Variants in TRRAP observed in about 807,000 individuals in gnomAD.
The protein encoded by TRRAP is transformation/transcription domain-associated protein.
In TRRAP, 41 loss-of-function variants were observed where a neutral mutation model predicts 438.8. The ratio of observed to expected loss-of-function variants is 0.09; its 90% CI spans 0.07 to 0.12. The LOEUF (loss-of-function observed/expected upper bound fraction) is 0.12, where lower values mean the gene tolerates loss of function less well. Ranked by LOEUF, TRRAP falls within the 10% of genes least tolerant of loss-of-function variation. TRRAP has a pLI of 1.00. For missense variants in TRRAP, 3,122 were observed against 5,055.1 expected (o/e 0.62, Z 11.60); for synonymous variants, 1,994 against 1,962.9 (o/e 1.02, Z -0.42).
At chr7:99,009,797 G>C (rs562442559) in intron 70 of TRRAP, among the ~76,000 whole-genome samples, 1 of 151,946 alleles carries the variant, frequency 6.6e-6, no homozygotes, top group Admixed American at 6.5e-5. Context: ...AGAGGGAGAT[G>C]CCCACAGCAC....
chr7:98,949,924 G>A, intron 37 of TRRAP, 83 bp downstream of exon 37: 2 of 1,573,608 alleles, frequency 1.3e-6, no homozygotes, highest in East Asian at 2.2e-5. Flanking sequence ...TCTGTACAAG[G>A]CTGTGGTCAT....
chr7:98,978,951 C>G (rs752541141), intron 58 of TRRAP, 47 bp downstream of exon 58: 1 of 1,608,076 alleles, frequency 6.2e-7, no homozygotes, highest in Admixed American at 1.7e-5. Context: ...GTCCCTTTTC[C>G]TGAAGCTGCA....
chr7:98,993,300 T>G (rs1258188887), intron 65 of TRRAP, among the ~76,000 whole-genome samples: 1 of 152,232 alleles, frequency 6.6e-6, no homozygotes, highest in Non-Finnish European at 1.5e-5. Flanking sequence ...ACGGGTTTAT[T>G]TAATGGAATG....
intron 69 of TRRAP, among the ~76,000 whole-genome samples, chr7:99,007,824 CTTTTT>C (rs35981301): frequency 7.3e-6 from 1 of 137,778 alleles, no homozygotes; most frequent in Non-Finnish European, 1.6e-5. Context: ...TTTAAGATGT[CTTTTT>C]TTTTTTTTTT....
rs1791309856 is a variant in TRRAP, at chr7:98,951,023, T to C, written c.5463+19T>C. The stretch of plus-strand genomic sequence containing the variant: ...TACCAAGGTGGTATCACTATGTGTG[T>C]GGGTGTGAGAAGTAGCCTGGCATGT... On this transcript the variant is annotated intron_variant, in intron 39 of 72. Coordinates refer to ENST00000456197, the MANE Select transcript of TRRAP (RefSeq NM_001375524.1). 2 of 1,570,490 alleles carry C rather than the reference T, an allele frequency of 1.3e-6. No individual in the cohort carries two copies. Among genetic ancestry groups the C allele is most frequent in the Non-Finnish European group, 1.7e-6 (2 of 1,161,148 alleles).
intron 33 of TRRAP, among the ~76,000 whole-genome samples, chr7:98,947,781 A>G (rs564581329): frequency 2.0e-5 from 3 of 152,202 alleles, no homozygotes; most frequent in Non-Finnish European, 4.4e-5. Flanking sequence ...GGCAAAAGAC[A>G]TCTGTGCCCT....
chr7:98,993,826 T>C, intron 66 of TRRAP, 89 bp downstream of exon 66: 1 of 1,316,390 alleles, frequency 7.6e-7, no homozygotes, highest in East Asian at 2.3e-5. Context: ...CCTTGAGCTT[T>C]AGTTGCCGGT....
intron 67 of TRRAP, among the ~76,000 whole-genome samples, chr7:98,995,365 G>C (rs1793604649): frequency 6.6e-6 from 1 of 151,966 alleles, no homozygotes; most frequent in Non-Finnish European, 1.5e-5. Context: ...ATGGAAGACT[G>C]GGTCTGGGTG....
intron 67 of TRRAP, among the ~76,000 whole-genome samples, chr7:99,003,933 C>A (rs761294360): frequency 6.6e-6 from 1 of 152,044 alleles, no homozygotes; most frequent in Non-Finnish European, 1.5e-5. Context: ...ATTGGCCAAG[C>A]CTGGTGGCGG....
chr7:98,914,854 AT>A (rs1257166407), intron 18 of TRRAP, among the ~76,000 whole-genome samples: 1 of 151,908 alleles, frequency 6.6e-6, no homozygotes, highest in African/African-American at 2.4e-5. Flanking sequence ...AAATAAATAA[AT>A]ATATTCTGCC....
At chr7:98,983,148 G>T in intron 59 of TRRAP, 116 bp from the exon 60 acceptor site, 1 of 971,858 alleles carries the variant, frequency 1.0e-6, no homozygotes, top group Non-Finnish European at 1.5e-6. Context: ...TGCTTCCTTT[G>T]GTAATTGCAT....
intron 33 of TRRAP, among the ~76,000 whole-genome samples, chr7:98,946,574 G>A (rs184620078): frequency 6.8e-4 from 92 of 135,996 alleles, no homozygotes; most frequent in African/African-American, 2.3e-3. Context: ...CACACCACAC[G>A]CGCACACACC....
At position 98,950,138 on chromosome 7, in the gene TRRAP, C is replaced by T. The variant is rs74392329; in HGVS notation, c.5210C>T (p.Thr1737Ile). Reference protein sequence around the residue: ...AFTGRFLCNMTFLKEYMEEEI... With the variant: ...AFTGRFLCNMIFLKEYMEEEI... Reference sequence around the variant, plus strand: ...ACTGGTCGTTTTCTCTGCAACATGACATTCTTAAAAGAGTATATGGAGGAA... The same window carrying T: ...ACTGGTCGTTTTCTCTGCAACATGATATTCTTAAAAGAGTATATGGAGGAA... Residue 1737 changes from threonine to isoleucine, a missense_variant, in exon 38 of 73, where the codon ACA (threonine) becomes ATA (isoleucine). Thr to Ile is a moderately conservative substitution (Grantham distance 89). Coordinates refer to ENST00000456197, the MANE Select transcript of TRRAP (RefSeq NM_001375524.1). 4.0e-5 allele frequency: 65 copies of T among 1,614,210 alleles called. No individual in the cohort carries two copies. In the East Asian group the frequency reaches 1.4e-3, roughly 36 times the overall value.
At chr7:98,923,132 A>C (rs2116473995) in intron 21 of TRRAP, among the ~76,000 whole-genome samples, 1 of 152,168 alleles carries the variant, frequency 6.6e-6, no homozygotes, top group Non-Finnish European at 1.5e-5. Flanking sequence ...TCATCCACAT[A>C]CTTTCCAAAT....
chr7:98,895,597 T>C (rs1311280918), intron 6 of TRRAP, among the ~76,000 whole-genome samples, 167 bp from the exon 7 acceptor site: 3 of 152,240 alleles, frequency 2.0e-5, no homozygotes, highest in Non-Finnish European at 4.4e-5. Context: ...ATTTACTTAT[T>C]TTTTTGTTTG....
chr7:98,959,733 G>C (rs73155650), intron 45 of TRRAP, among the ~76,000 whole-genome samples: 5,986 of 152,072 alleles, frequency 0.039, 129 homozygotes, highest in South Asian at 0.054. Flanking sequence ...AGACCAGTCT[G>C]GGCAGCATAG....
In TRRAP at chr7:98,955,152, C is replaced by G; in HGVS notation, c.5785C>G (p.Gln1929Glu). The change falls in exon 41 of 73, where the codon CAG (glutamine) becomes GAG (glutamate). Residue 1929 changes from glutamine (Q) to glutamate (E), a missense_variant. Gln to Glu is a conservative substitution (Grantham distance 29). Transcript: ENST00000456197. The stretch of plus-strand genomic sequence containing the variant: ...AATGGAAGCTCGAGCGATCGTCAGA[C>G]AGGCGATGGCCATTCTGACCCCGGC... Reference protein sequence around the residue: ...HAMEARAIVRQAMAILTPAVP... With the variant: ...HAMEARAIVREAMAILTPAVP... 1.9e-6 allele frequency: 3 copies of G among 1,614,238 alleles called. No individual in the cohort carries two copies. The highest frequency in any genetic ancestry group is 2.5e-6 in the Non-Finnish European group (3 of 1,180,044).
chr7:98,953,350 G>A lies in TRRAP; in HGVS notation c.5647G>A (p.Asp1883Asn). The stretch of plus-strand genomic sequence containing the variant: ...CTGCCTGCTCTCCAAGGCCTGCGTG[G>A]ACCCAGCCTGCAAGTACAGCGGACA... ...WPCLLSKACV[D>N]PACKYSGHLL... Residue 1883 changes from aspartate (D) to asparagine (N), a missense_variant, in exon 40 of 73, where the codon GAC becomes AAC. Asp to Asn is a conservative substitution (Grantham distance 23). This residue lies in a region of TRRAP where 22 missense variants were observed against 28.8 expected (regional missense o/e 0.76). Transcript: ENST00000456197. The A allele has an allele frequency of 6.2e-7, 1 of 1,613,904 alleles. No homozygotes were observed.
Position 98,930,719 on chromosome 7 carries a change from T to G in TRRAP, c.3480T>G (p.Gly1160=), listed in dbSNP as rs782394934. 6.2e-7 allele frequency: 1 copy of G among 1,613,470 alleles called. No homozygotes were observed. The highest frequency in any genetic ancestry group is 8.5e-7 in the Non-Finnish European group (1 of 1,179,906). Residue 1160 remains glycine (G), a synonymous_variant, in exon 25 of 73, where the codon GGT becomes GGG. Transcript: ENST00000456197. ...AGGCGTGGTATGCAAAGCTGGGGGGTGTGGTGTCTATTAAGTTTCTCATGG... is the reference window on the plus strand; with the variant it reads ...AGGCGTGGTATGCAAAGCTGGGGGGGGTGGTGTCTATTAAGTTTCTCATGG... ...YEQAWYAKLG[G]VVSIKFLMER...
Sources: allele counts gnomAD v4.1 joint callset (sites outside exome capture counted in the v4.1 genomes callset), GRCh38; gene constraint gnomAD v4.1.1; regional missense constraint gnomAD v4.1.1; transcripts MANE v1.5; gene names NCBI Gene and HGNC (gene_info 2026-07-23, HGNC 2026-07-21).